The following GTF2H2 variants were observed in gnomAD, a reference collection of about 807,000 sequenced individuals.
GTF2H2 encodes TFIIH basal transcription factor complex p44 subunit.
In GTF2H2, 2 loss-of-function variants were observed where a neutral mutation model predicts 16.5. The ratio of observed to expected loss-of-function variants is 0.12; its 90% CI spans 0.05 to 0.38. The LOEUF is 0.38. Among genes scored for constraint, GTF2H2 ranks in the 10% least tolerant of loss-of-function variants. The pLI is 0.99. For synonymous variants in GTF2H2, 8 were observed against 44.1 expected (o/e 0.18, Z 3.24); for missense variants, 20 against 137.0 (o/e 0.15, Z 4.26).
At chr5:71,057,556 A>C (rs1427787010) in intron 7 of GTF2H2, among the ~76,000 whole-genome samples, 3 of 98,102 alleles carry the variant, frequency 3.1e-5, no homozygotes, top group African/African-American at 1.2e-4. Context: ...CAAGTATTTT[A>C]GATTCATAAA....
At chr5:71,054,700 A>AAT (rs1226180736) in intron 8 of GTF2H2, among the ~76,000 whole-genome samples, 9 of 114,808 alleles carry the variant, frequency 7.8e-5, no homozygotes, top group East Asian at 2.4e-4. Flanking sequence ...CTCGAAAAAA[A>AAT]ATATATATAT....
At position 71,039,896 on chromosome 5, in the gene GTF2H2, A is replaced by G. The variant is rs1751984800; in HGVS notation, c.1028+1626T>C. 4.8e-5 allele frequency among the ~76,000 whole-genome samples: 4 copies of G among 82,606 alleles called. No individual in the cohort carries two copies. The South Asian group carries it at 2.1e-3, about 44-fold the overall frequency. 54.2% of individuals were successfully genotyped at this position (82,606 alleles called of 152,430 possible). ...AACTTCTTTGAAGAACAACTTTACA[A>G]TATCTATCAAAATTCACAAAACATG... is the stretch of plus-strand genomic sequence containing the variant. On this transcript the variant is annotated intron_variant, in intron 14 of 15. Coordinates refer to ENST00000274400, the Ensembl canonical transcript of GTF2H2.
intron 12 of GTF2H2, among the ~76,000 whole-genome samples, chr5:71,044,045 G>T (rs150892208): frequency 0.55 from 70,755 of 127,658 alleles, 21,312 homozygotes; most frequent in East Asian, 0.84. Flanking sequence ...TTAAACTTTG[G>T]TAGGCTGGTC....
chr5:71,053,384 C>A (rs1474107306), intron 8 of GTF2H2, among the ~76,000 whole-genome samples: 11 of 140,886 alleles, frequency 7.8e-5, no homozygotes. Context: ...TAACACTTAT[C>A]AATTAAGTCT....
intron 8 of GTF2H2, among the ~76,000 whole-genome samples, chr5:71,054,317 A>T (rs1220578779): frequency 6.9e-6 from 1 of 145,770 alleles, no homozygotes; most frequent in African/African-American, 2.6e-5. Flanking sequence ...TCACTGGTAG[A>T]CCCTGCTACT....
rs1453588700 is a variant in GTF2H2 at position 71,039,668 on chromosome 5, T to TA, written c.1028+1853dup. 1.0e-4 allele frequency among the ~76,000 whole-genome samples: 15 copies of TA among 144,802 alleles called. 2 individuals are homozygous for TA. The highest frequency in any genetic ancestry group is 6.9e-5 in the Admixed American group (1 of 14,508). The allele number at this position is 144,802 out of a possible 152,430, so 95.0% of individuals were successfully genotyped here. ...CCTCTTTATTTTACTCCTTTTATTG[T>TA]ACTTTCTGGAATATTTCTTCAACTC... On this transcript the variant is annotated intron_variant, in intron 14 of 15. Transcript: ENST00000274400.
intron 7 of GTF2H2, 50 bp from the exon 8 acceptor site, chr5:71,055,507 TTA>T (rs1354586276): frequency 8.4e-6 from 11 of 1,307,994 alleles, no homozygotes; most frequent in Non-Finnish European, 1.1e-5. Flanking sequence ...TTAAAAAAGT[TTA>T]TGTTTCTCTC....
intron 8 of GTF2H2, among the ~76,000 whole-genome samples, chr5:71,051,878 TACAACA>T (rs1205705180): frequency 8.0e-6 from 1 of 124,830 alleles, no homozygotes; most frequent in Non-Finnish European, 1.7e-5. Context: ...ACCCTACCTC[TACAACA>T]ACAACAACAA....
At chr5:71,051,297 A>T (rs1187943322) in intron 8 of GTF2H2, among the ~76,000 whole-genome samples, 1 of 91,228 alleles carries the variant, frequency 1.1e-5, no homozygotes, top group Non-Finnish European at 2.2e-5. Flanking sequence ...GAAAGTTCAA[A>T]GTATTCCTTT....
chr5:71,050,776 G>GTAGTA (rs2150164745), intron 8 of GTF2H2, among the ~76,000 whole-genome samples: 1 of 56,186 alleles, frequency 1.8e-5, no homozygotes, highest in East Asian at 5.1e-4. Flanking sequence ...TTTATTCATA[G>GTAGTA]TAGTACCTCT....
In GTF2H2 at chr5:71,050,325, A is replaced by G. The variant is rs1194219980; in HGVS notation, c.471-1167T>C. The G allele has an allele frequency of 1.7e-5, 2 of 115,134 alleles. 1 individual carries two copies. The highest frequency in any genetic ancestry group is 2.8e-5 in the Non-Finnish European group (2 of 70,458). The allele number at this position is 115,134 out of a possible 1,614,324, so 7.1% of individuals were successfully genotyped here. A position where few individuals can be genotyped will look rare whatever the true frequency, so the allele number is the denominator to read the frequency against. On this transcript the variant is annotated intron_variant, in intron 8 of 15. Coordinates refer to ENST00000274400, the Ensembl canonical transcript of GTF2H2. ...CCCCGTCTCTACTAAAAATACAAAA[A>G]AATGAGCTGGACGTGGTGGCAGGAG... is the stretch of plus-strand genomic sequence containing the variant.
intron 1 of GTF2H2, among the ~76,000 whole-genome samples, chr5:71,063,841 C>T (rs1329946249): frequency 3.3e-5 from 4 of 120,746 alleles, no homozygotes; most frequent in African/African-American, 6.7e-5. Flanking sequence ...CAATGGCTCA[C>T]GCCTGTAATC....
intron 8 of GTF2H2, among the ~76,000 whole-genome samples, chr5:71,051,715 T>C (rs1158559279): frequency 1.4e-5 from 2 of 140,634 alleles, no homozygotes. Flanking sequence ...AAATCCTAGA[T>C]GGCATCTTCT....
intron 7 of GTF2H2, among the ~76,000 whole-genome samples, chr5:71,057,272 A>G (rs1753316914): frequency 8.8e-6 from 1 of 113,476 alleles, no homozygotes; most frequent in Non-Finnish European, 1.9e-5. Context: ...TTGTAAGACT[A>G]TCAGCACTAT....
chr5:71,046,395 C>T (rs373421426), intron 11 of GTF2H2, among the ~76,000 whole-genome samples: 11,011 of 92,934 alleles, frequency 0.12, 106 homozygotes, highest in Admixed American at 0.2. Context: ...TTATTCTAAA[C>T]GCATCATCTG....
At position 71,057,379 on chromosome 5, in the gene GTF2H2, T is replaced by A. The variant is rs1281909577; in HGVS notation, c.365-1922A>T. ...TATTAAAAAATAAAATGTTATGTAA[T>A]TGGGTGGAGTTTTTTTGGATTACTA... On this transcript the variant is annotated intron_variant, in intron 7 of 15. Transcript: ENST00000274400. Among the ~76,000 whole-genome samples, 3 of 143,112 alleles carry A rather than the reference T, an allele frequency of 2.1e-5. 1 individual carries two copies. Among genetic ancestry groups the A allele is most frequent in the African/African-American group, 7.9e-5 (3 of 37,932 alleles). 93.9% of individuals were successfully genotyped at this position (143,112 alleles called of 152,430 possible). A position where few individuals can be genotyped will look rare whatever the true frequency, so the allele number is the denominator to read the frequency against.
At chr5:71,045,671 C>T (rs1320457941) in intron 11 of GTF2H2, among the ~76,000 whole-genome samples, 164 bp from the exon 12 acceptor site, 2 of 63,388 alleles carry the variant, frequency 3.2e-5, no homozygotes, top group Non-Finnish European at 2.6e-5. Flanking sequence ...CTGACTAATT[C>T]CAAGCTACAA....
intron 8 of GTF2H2, among the ~76,000 whole-genome samples, chr5:71,052,946 T>G (rs1752877829): frequency 1.6e-4 from 16 of 98,464 alleles, no homozygotes; most frequent in South Asian, 7.1e-4. Context: ...TTTTTTTTTT[T>G]TTGTAGAGGT....
At chr5:71,063,396 CTT>C (rs2150216254) in intron 1 of GTF2H2, among the ~76,000 whole-genome samples, 1 of 68,994 alleles carries the variant, frequency 1.4e-5, no homozygotes, top group South Asian at 5.5e-4. Context: ...TATTTTTTGA[CTT>C]TTTAATAATA....
Sources: gnomAD v4.1 joint callset for allele counts (sites outside exome capture counted in the v4.1 genomes callset) on GRCh38, gnomAD v4.1.1 for gene constraint, MANE v1.5 for transcripts, NCBI Gene and HGNC (gene_info 2026-07-23, HGNC 2026-07-21) for gene names.